GALNT17: variants seen among roughly 807,000 people sequenced by gnomAD.
GALNT17 encodes the protein UDP-GalNAc:polypeptide N-acetylgalactosaminyltransferase-like 3.
Under a neutral mutation model 63.7 loss-of-function variants are expected in GALNT17, and 29 were observed. The observed-to-expected ratio is 0.46, with a 90% CI of 0.34 to 0.62. The LOEUF is 0.62. GALNT17 is among the 20% of genes least tolerant of loss of function. The pLI is 0.01. For synonymous variants in GALNT17, 305 were observed against 318.3 expected (o/e 0.96, Z 0.45); for missense variants, 603 against 799.6 (o/e 0.75, Z 2.97).
intron 6 of GALNT17, among the ~76,000 whole-genome samples, chr7:71,621,630 A>G (rs1790297266): frequency 6.6e-6 from 1 of 151,960 alleles, no homozygotes; most frequent in South Asian, 2.1e-4. Flanking sequence ...TCTTTCTTCT[A>G]TTTTTGACAA....
Position 71,523,096 on chromosome 7 carries a change from A to G in GALNT17, c.963-48189A>G, listed in dbSNP as rs552152801. On this transcript the variant is annotated intron_variant, in intron 5 of 10. Transcript: ENST00000333538. ...ACTGGTGGCACACACCTGTAGTCCC[A>G]CACAATTCTGTGAACATTCTAAAAG... 6.6e-5 allele frequency among the ~76,000 whole-genome samples: 10 copies of G among 152,296 alleles called. No homozygotes were observed. In the South Asian group the frequency reaches 2.1e-3, roughly 32 times the overall value.
At chr7:71,628,830 G>A (rs1790413991) in intron 6 of GALNT17, among the ~76,000 whole-genome samples, 1 of 152,092 alleles carries the variant, frequency 6.6e-6, no homozygotes, top group Non-Finnish European at 1.5e-5. Flanking sequence ...TACTCAGGAG[G>A]CTGAGGCACG....
chr7:71,277,751 G>C (rs1790708349), intron 1 of GALNT17, among the ~76,000 whole-genome samples: 1 of 152,180 alleles, frequency 6.6e-6, no homozygotes, highest in African/African-American at 2.4e-5. Flanking sequence ...GGAGGGGAGA[G>C]AGTGTTTCCT....
chr7:71,287,038 A>C lies in GALNT17; in HGVS notation c.239-48512A>C, dbSNP rs143306090. Among the ~76,000 whole-genome samples the C allele has an allele frequency of 4.7e-3, 708 of 151,994 alleles. 6 individuals are homozygous for C. The highest frequency in any genetic ancestry group is 0.016 in the African/African-American group (649 of 41,456). On this transcript the variant is annotated intron_variant, in intron 1 of 10. Transcript: ENST00000333538. Reference sequence around the variant, plus strand: ...CGTACTCCTGGGCCCAAGTCAAGTGAAAGTGCTGGGATTACAGGCATGAGT... The same window carrying C: ...CGTACTCCTGGGCCCAAGTCAAGTGCAAGTGCTGGGATTACAGGCATGAGT...
intron 1 of GALNT17, among the ~76,000 whole-genome samples, chr7:71,332,690 TTTGTTTTG>T (rs1791828203): frequency 6.6e-6 from 1 of 150,482 alleles, no homozygotes; most frequent in Admixed American, 6.6e-5. Flanking sequence ...TGTTTGTTTG[TTTGTTTTG>T]TTTTTGTTTT....
intron 6 of GALNT17, among the ~76,000 whole-genome samples, chr7:71,589,537 A>C (rs912364459): frequency 3.4e-4 from 52 of 151,570 alleles, no homozygotes; most frequent in Non-Finnish European, 3.1e-4. Context: ...ATAACACTAC[A>C]CTCCAGCTTG....
intron 1 of GALNT17, among the ~76,000 whole-genome samples, chr7:71,321,867 T>TATCCTTCC (rs1791612816): frequency 2.1e-5 from 1 of 46,834 alleles, no homozygotes; most frequent in African/African-American, 7.5e-5. Context: ...CCTTCCTTCC[T>TATCCTTCC]TTCCTTCCTT....
intron 10 of GALNT17, 51 bp from the exon 11 acceptor site, chr7:71,711,965 GTC>G: frequency 8.2e-6 from 13 of 1,585,666 alleles, no homozygotes; most frequent in Non-Finnish European, 1.0e-5. Context: ...ATCTCTCGCT[GTC>G]TCTCTCTCCT....
intron 3 of GALNT17, among the ~76,000 whole-genome samples, chr7:71,409,442 A>G (rs918397554): frequency 2.0e-5 from 3 of 152,188 alleles, no homozygotes; most frequent in Non-Finnish European, 4.4e-5. Flanking sequence ...AGGTAGAGGA[A>G]CACTCACTCA....
chr7:71,698,904 G>GC (rs1791584111), intron 9 of GALNT17, among the ~76,000 whole-genome samples: 2 of 152,022 alleles, frequency 1.3e-5, no homozygotes, highest in South Asian at 4.1e-4. Context: ...GGGCCCAGTG[G>GC]CTCACGCCTG....
intron 1 of GALNT17, among the ~76,000 whole-genome samples, chr7:71,275,074 C>T (rs995405287): frequency 1.7e-4 from 26 of 152,222 alleles, no homozygotes; most frequent in Admixed American, 2.6e-4. Flanking sequence ...TGAGTGGTTT[C>T]AGTACTGGGA....
chr7:71,311,522 A>AT (rs1052939950), intron 1 of GALNT17, among the ~76,000 whole-genome samples: 10 of 152,078 alleles, frequency 6.6e-5, no homozygotes, highest in Admixed American at 3.9e-4. Context: ...TTCAGGAAGA[A>AT]TTTTTTTTAA....
intron 1 of GALNT17, among the ~76,000 whole-genome samples, chr7:71,262,328 C>A (rs540129565): frequency 2.0e-5 from 3 of 152,190 alleles, no homozygotes; most frequent in Non-Finnish European, 4.4e-5. Context: ...GTTGTCCAGG[C>A]TGGTCTCAAA....
At chr7:71,568,926 A>G (rs1324956160) in intron 5 of GALNT17, among the ~76,000 whole-genome samples, 1 of 152,160 alleles carries the variant, frequency 6.6e-6, no homozygotes, top group South Asian at 2.1e-4. Flanking sequence ...ACCACTGCAC[A>G]TATATGCATG....
intron 9 of GALNT17, among the ~76,000 whole-genome samples, chr7:71,686,350 C>G (rs1791358810): frequency 6.6e-6 from 1 of 151,756 alleles, no homozygotes; most frequent in Admixed American, 6.6e-5. Context: ...GTTCAATATT[C>G]CCCTGAACCT....
At chr7:71,661,921 C>T (rs764976853) in intron 6 of GALNT17, among the ~76,000 whole-genome samples, 13 of 152,164 alleles carry the variant, frequency 8.5e-5, no homozygotes, top group Non-Finnish European at 1.3e-4. Flanking sequence ...GTCTGTTACA[C>T]CATCTCCCTC....
chr7:71,484,932 G>T (rs928397927), intron 5 of GALNT17, among the ~76,000 whole-genome samples: 29 of 145,406 alleles, frequency 2.0e-4, no homozygotes, highest in Non-Finnish European at 1.3e-4. Flanking sequence ...CCAAGTAGCT[G>T]GGATTACAGG....
chr7:71,296,290 C>T (rs1348902301), intron 1 of GALNT17, among the ~76,000 whole-genome samples: 1 of 152,098 alleles, frequency 6.6e-6, no homozygotes. Flanking sequence ...CTTACACCTG[C>T]CCCACACAGA....
Position 71,665,465 on chromosome 7 carries a change from A to G in GALNT17, c.1135A>G (p.Ile379Val), listed in dbSNP as rs756620406. The G allele has an allele frequency of 5.0e-6, 8 of 1,613,346 alleles. No individual in the cohort carries two copies. The East Asian group carries it at 1.8e-4, about 36-fold the overall frequency. ...EVLPCSRVAH[I>V]ERKKKPYNSN... is the part of the protein sequence containing the mutation. ...CCTTCCTTGCTCACGGGTGGCCCAC[A>G]TTGAGCGGAAGAAGAAGCCATATAA... The change falls in exon 7 of 11, where the codon ATT becomes GTT. Residue 379 changes from isoleucine (I) to valine (V), a missense_variant. Ile to Val is a conservative substitution (Grantham distance 29, BLOSUM62 3). Coordinates refer to ENST00000333538, the MANE Select transcript of GALNT17 (RefSeq NM_022479.3).
Sources: allele counts gnomAD v4.1 joint callset (sites outside exome capture counted in the v4.1 genomes callset), GRCh38; gene constraint gnomAD v4.1.1; transcripts MANE v1.5; gene names NCBI Gene and HGNC (gene_info 2026-07-23, HGNC 2026-07-21).